The following SLC5A5 variants were observed in gnomAD, a reference collection of about 807,000 sequenced individuals.
SLC5A5 encodes the protein solute carrier family 5 member 5.
SLC5A5 carries 56 observed loss-of-function variants against 68.6 expected under a neutral mutation model. That is an observed-to-expected ratio of 0.82 (90% CI 0.66 to 1.02). SLC5A5 has a LOEUF of 1.02. SLC5A5 is among the 50% of genes least tolerant of loss of function. The pLI, the probability that SLC5A5 is intolerant of heterozygous loss-of-function variation, is 0.00. For missense variants in SLC5A5, 807 were observed against 859.8 expected, an observed-to-expected ratio of 0.94 and a Z score of 0.77; for synonymous variants, 398 against 373.0, an observed-to-expected ratio of 1.07 and a Z score of -0.77.
At position 17,893,670 on chromosome 19, in the gene SLC5A5, G is replaced by C. The variant is rs552237593; in HGVS notation, c.1768-43G>C. On this transcript the variant is annotated intron_variant, in intron 14 of 14. Coordinates refer to ENST00000222248, the MANE Select transcript of SLC5A5 (RefSeq NM_000453.3). ...ATGAGCTGACACGGAACAGGGTGGG[G>C]ACAGGGTCTCTGATGGGGTCTCTTT... is the stretch of plus-strand genomic sequence containing the variant. The C allele has an allele frequency of 5.6e-6, 9 of 1,601,720 alleles. No homozygotes were observed. The South Asian group carries it at 8.9e-5, about 16-fold the overall frequency.
In SLC5A5 at chr19:17,874,311, C is replaced by T. The variant is rs1437998061; in HGVS notation, c.423+108C>T. The T allele has an allele frequency of 8.8e-6, 7 of 798,890 alleles. 1 individual carries two copies. The highest frequency in any genetic ancestry group is 1.0e-5 in the Non-Finnish European group (5 of 478,508). 49.5% of individuals were successfully genotyped at this position (798,890 alleles called of 1,614,324 possible). Reference sequence around the variant, plus strand: ...CGCCCAGACCCCGCCCCCCATGCTCCCGTTCTGACCCCGCCCCCATCAGTC... The same window carrying T: ...CGCCCAGACCCCGCCCCCCATGCTCTCGTTCTGACCCCGCCCCCATCAGTC... On this transcript the variant is annotated intron_variant, in intron 2 of 14. Coordinates refer to ENST00000222248, the MANE Select transcript of SLC5A5 (RefSeq NM_000453.3).
intron 13 of SLC5A5, among the ~76,000 whole-genome samples, chr19:17,889,446 GAGAA>G (rs1321249641): frequency 1.3e-3 from 200 of 150,726 alleles, no homozygotes; most frequent in African/African-American, 4.5e-3. Flanking sequence ...AGGAAGGAAA[GAGAA>G]AGAGAGAGAG....
chr19:17,878,485 A>T (rs574682028), intron 7 of SLC5A5, among the ~76,000 whole-genome samples: 237 of 151,958 alleles, frequency 1.6e-3, no homozygotes, highest in African/African-American at 5.4e-3. Flanking sequence ...ACCTTGGATG[A>T]CAGAGTGAGA....
rs746645583 is a variant in SLC5A5 at position 17,888,325 on chromosome 19, C to A, written c.1527-6C>A. The A allele has an allele frequency of 3.1e-6, 5 of 1,613,678 alleles. No individual in the cohort carries two copies. In the African/African-American group the frequency reaches 5.3e-5, roughly 17 times the overall value. The stretch of plus-strand genomic sequence containing the variant: ...GAGGTTCAAGTCTGTCTCTCCCAAC[C>A]TGCAGCTCAGGAATGGACGCCAGCC... On this transcript the variant is annotated splice_region_variant and splice_polypyrimidine_tract_variant and intron_variant, in intron 12 of 14. Coordinates refer to ENST00000222248, the MANE Select transcript of SLC5A5 (RefSeq NM_000453.3).
intron 8 of SLC5A5, among the ~76,000 whole-genome samples, chr19:17,881,674 G>A (rs2094321015): frequency 6.6e-6 from 1 of 152,188 alleles, no homozygotes; most frequent in Admixed American, 6.5e-5. Flanking sequence ...CGGGACTTCT[G>A]GTCACATGCC....
rs115036276 is a variant in SLC5A5, at chr19:17,879,020, C to T, written c.969+927C>T. ...AAAAAAACCAAAACAAGGCTGGGCG[C>T]GGTGGCTTACGCCTATAATCTCAGC... On this transcript the variant is annotated intron_variant, in intron 7 of 14. Coordinates refer to ENST00000222248, the MANE Select transcript of SLC5A5 (RefSeq NM_000453.3). 6.2e-4 allele frequency among the ~76,000 whole-genome samples: 89 copies of T among 143,690 alleles called. 5 individuals are homozygous for T. The highest frequency in any genetic ancestry group is 2.1e-3 in the African/African-American group (76 of 36,130). The allele number at this position is 143,690 out of a possible 152,430, so 94.3% of individuals were successfully genotyped here.
chr19:17,894,114 C>T lies in SLC5A5; in HGVS notation c.*237C>T, dbSNP rs1351656979. On this transcript the variant is annotated 3_prime_UTR_variant, in exon 15 of 15. Transcript: ENST00000222248. ...AGACGCTGCAGCCCTGACGGCTCCC[C>T]CCAAATAAGGCTGGGTTTTTCTCTC... The T allele has an allele frequency of 1.9e-6, 1 of 528,322 alleles. No individual in the cohort carries two copies. The highest frequency in any genetic ancestry group is 3.4e-6 in the Non-Finnish European group (1 of 296,978). 32.7% of individuals were successfully genotyped at this position (528,322 alleles called of 1,614,324 possible).
chr19:17,888,882 A>G (rs1431881469), intron 13 of SLC5A5, among the ~76,000 whole-genome samples: 4 of 151,372 alleles, frequency 2.6e-5, no homozygotes, highest in African/African-American at 9.7e-5. Context: ...CGGCCTCGCA[A>G]AGTTCTGGGA....
At chr19:17,883,796 A>T in intron 11 of SLC5A5, 29 bp downstream of exon 11, 19 of 429,802 alleles carry the variant, frequency 4.4e-5, no homozygotes, top group Non-Finnish European at 7.7e-5. Context: ...AGGGGCGGGG[A>T]GGGGCGGGGC....
At chr19:17,874,372 A>C in intron 2 of SLC5A5, 122 bp from the exon 3 acceptor site, 1 of 943,540 alleles carries the variant, frequency 1.1e-6, no homozygotes, top group Non-Finnish European at 1.6e-6. Context: ...CCCCGCCTGC[A>C]CTCTGGAAGA....
In SLC5A5 at chr19:17,888,343, C is replaced by T. The variant is rs757661931; in HGVS notation, c.1539C>T (p.Asp513=). 46 of 1,613,648 alleles carry T rather than the reference C, an allele frequency of 2.9e-5. No individual in the cohort carries two copies. Among genetic ancestry groups the T allele is most frequent in the East Asian group, 8.9e-5 (4 of 44,860 alleles). The change falls in exon 13 of 15, where the codon GAC becomes GAT. Residue 513 remains aspartate (D), a synonymous_variant. Coordinates refer to ENST00000222248, the MANE Select transcript of SLC5A5 (RefSeq NM_000453.3). ...TCCCAACCTGCAGCTCAGGAATGGA[C>T]GCCAGCCGACCCGCCTTAGCTGACA... The part of the protein sequence containing the change: ...DSSRAPSSGM[D]ASRPALADSF...
At chr19:17,873,841 G>C (rs2147727998) in intron 1 of SLC5A5, among the ~76,000 whole-genome samples, 1 of 152,318 alleles carries the variant, frequency 6.6e-6, no homozygotes, top group East Asian at 1.9e-4. Flanking sequence ...GTGCGCTTGC[G>C]GGCCACGTCG....
Position 17,883,931 on chromosome 19 carries a change from C to T in SLC5A5, c.1411C>T (p.Gln471Ter). Residue 471 changes from glutamine to a stop codon, truncating the protein, a stop_gained, in exon 12 of 15, where the codon CAG (glutamine) becomes TAG (stop). Transcript: ENST00000222248. LOFTEE classifies it high-confidence loss of function. ...LGATLYPPSE[Q>*]TMRVLPSSAA... Reference sequence around the variant, plus strand: ...CGCCACGCTGTACCCACCCAGCGAGCAGACCATGAGGGTCCTGCCATCGTC... The same window carrying T: ...CGCCACGCTGTACCCACCCAGCGAGTAGACCATGAGGGTCCTGCCATCGTC... 1 of 1,563,970 alleles carries T rather than the reference C, an allele frequency of 6.4e-7. No homozygotes were observed. The highest frequency in any genetic ancestry group is 8.7e-7 in the Non-Finnish European group (1 of 1,155,686).
In SLC5A5 at chr19:17,893,776, C is replaced by T. The variant is rs149148486; in HGVS notation, c.1831C>T (p.Arg611Cys). The T allele has an allele frequency of 6.2e-6, 10 of 1,613,544 alleles. No individual in the cohort carries two copies. Among genetic ancestry groups the T allele is most frequent in the South Asian group, 2.2e-5 (2 of 90,966 alleles). Residue 611 changes from arginine (R) to cysteine (C), a missense_variant, in exon 15 of 15, where the codon CGT becomes TGT. Physicochemically the swap from Arg to Cys is radical, Grantham distance 180. Coordinates refer to ENST00000222248, the MANE Select transcript of SLC5A5 (RefSeq NM_000453.3). ...PPGFLPTNED[R>C]LFFLGQKELE... The stretch of plus-strand genomic sequence containing the variant: ...TGGCTTCCTGCCCACCAATGAGGAT[C>T]GTCTGTTTTTCTTGGGGCAGAAGGA...
intron 7 of SLC5A5, among the ~76,000 whole-genome samples, chr19:17,879,156 G>A (rs1316702215): frequency 2.0e-5 from 3 of 151,160 alleles, no homozygotes; most frequent in Non-Finnish European, 4.4e-5. Context: ...AGCCGGGTGT[G>A]GTGGTGCATG....
chr19:17,883,656 G>T, intron 10 of SLC5A5, 25 bp from the exon 11 acceptor site: 25 of 1,599,824 alleles, frequency 1.6e-5, no homozygotes, highest in Non-Finnish European at 2.1e-5. Flanking sequence ...TCCGCCCTCA[G>T]CCCCACTTCC....
rs775927550 is a variant in SLC5A5, at chr19:17,882,028, G to A, written c.1127G>A (p.Arg376Gln). The change falls in exon 9 of 15, where the codon CGG (arginine) becomes CAG (glutamine). Residue 376 changes from arginine (R) to glutamine (Q), a missense_variant. Transcript: ENST00000222248. ...GAAGACCTCATCAAACCTCGGCTGCGGAGCCTGGCACCCAGGAAACTCGTG... is the reference window on the plus strand; with the variant it reads ...GAAGACCTCATCAAACCTCGGCTGCAGAGCCTGGCACCCAGGAAACTCGTG... ...TVEDLIKPRL[R>Q]SLAPRKLVII... 3.7e-5 allele frequency: 59 copies of A among 1,614,046 alleles called. No individual in the cohort carries two copies. Among genetic ancestry groups the A allele is most frequent in the Admixed American group, 5.0e-5 (3 of 59,998 alleles).
In SLC5A5 at chr19:17,894,071, T is replaced by A. The variant is rs1375321490; in HGVS notation, c.*194T>A. On this transcript the variant is annotated 3_prime_UTR_variant, in exon 15 of 15. Transcript: ENST00000222248. The stretch of plus-strand genomic sequence containing the variant: ...CATTTTTTAAATCCAGCCCCTTGCT[T>A]CAACCGTCCCCAGTATTAGACGCTG... 1.6e-6 allele frequency: 1 copy of A among 613,660 alleles called. No homozygotes were observed. Among genetic ancestry groups the A allele is most frequent in the Non-Finnish European group, 2.9e-6 (1 of 346,632 alleles). The allele number at this position is 613,660 out of a possible 1,614,324, so 38.0% of individuals were successfully genotyped here. A position where few individuals can be genotyped will look rare whatever the true frequency, so the allele number is the denominator to read the frequency against.
chr19:17,891,167 C>T (rs2030154621), intron 14 of SLC5A5, among the ~76,000 whole-genome samples, 166 bp downstream of exon 14: 1 of 152,212 alleles, frequency 6.6e-6, no homozygotes, highest in South Asian at 2.1e-4. Flanking sequence ...GTTTTTATCT[C>T]CCTTCACAAG....
Sources: gnomAD v4.1 joint callset for allele counts (sites outside exome capture counted in the v4.1 genomes callset) on GRCh38, gnomAD v4.1.1 for gene constraint, MANE v1.5 for transcripts, NCBI Gene and HGNC (gene_info 2026-07-23, HGNC 2026-07-21) for gene names.